The following ARHGAP9 variants were observed in gnomAD, a reference collection of about 807,000 sequenced individuals.
ARHGAP9 encodes the protein Rho GTPase activating protein 9, also known as rho GTPase-activating protein 9.
ARHGAP9 carries 76 observed loss-of-function variants against 87.3 expected under a neutral mutation model. The ratio of observed to expected loss-of-function variants is 0.87; its 90% confidence interval spans 0.72 to 1.05. ARHGAP9 has a LOEUF of 1.05. Ranked by LOEUF, ARHGAP9 falls within the 50% of genes least tolerant of loss-of-function variation. The pLI, the probability that ARHGAP9 is intolerant of heterozygous loss-of-function variation, is 0.00. For synonymous variants in ARHGAP9, 382 were observed against 394.9 expected (o/e 0.97, Z 0.39); for missense variants, 941 against 960.5 (o/e 0.98, Z 0.27).
chr12:57,473,640 G>T lies in ARHGAP9; in HGVS notation c.1987C>A (p.His663Asn). ...ELIGSMPKPN[H>N]DTLRYLLEHL... is the part of the protein sequence containing the mutation. ...TCCAGGAGGTACCGTAGAGTGTCAT[G>T]GTTGGGCTTTGGCATTGAGCCTATT... The change falls in exon 17 of 18, where the codon CAT becomes AAT. Residue 663 changes from histidine (H) to asparagine (N), a missense_variant. Physicochemically the swap from His to Asn is moderately conservative, Grantham distance 68 (BLOSUM62 1). Transcript: ENST00000393791. The T allele has an allele frequency of 6.2e-7, 1 of 1,613,952 alleles. No individual in the cohort carries two copies.
intron 1 of ARHGAP9, chr12:57,488,057 G>C (rs1161755273): frequency 1.9e-6 from 3 of 1,588,758 alleles, no homozygotes; most frequent in Non-Finnish European, 2.6e-6. Context: ...CGGGAGGCCG[G>C]TTCCGGTTGC....
At chr12:57,481,089 C>CT (rs567173559), upstream of ARHGAP9, among the ~76,000 whole-genome samples, 12 of 152,200 alleles carry the variant, frequency 7.9e-5, no homozygotes, top group African/African-American at 1.9e-4. Flanking sequence ...TGAATCCACC[C>CT]TTTTTTTGCC....
Position 57,474,114 on chromosome 12 carries a change from T to C in ARHGAP9, c.1846A>G (p.Lys616Glu). 1 of 1,614,164 alleles carries C rather than the reference T, an allele frequency of 6.2e-7. No individual in the cohort carries two copies. The highest frequency in any genetic ancestry group is 8.5e-7 in the Non-Finnish European group (1 of 1,180,016). Residue 616 changes from lysine to glutamate, a missense_variant, in exon 16 of 18, where the codon AAG becomes GAG. By Grantham distance (56) the Lys-to-Glu change is moderately conservative. Coordinates refer to ENST00000393791, the MANE Select transcript of ARHGAP9 (RefSeq NM_032496.4). ...DDIHVVTGAL[K>E]LFLRELPQPL... ...TGGGGCAGCTCCCGGAGAAAAAGCTTCAGGGCTCCGGTGACCACATGAATG... is the reference window on the plus strand; with the variant it reads ...TGGGGCAGCTCCCGGAGAAAAAGCTCCAGGGCTCCGGTGACCACATGAATG...
In ARHGAP9 at chr12:57,474,469, C is replaced by T. The variant is rs752779498; in HGVS notation, c.1737G>A (p.Ala579=). 5.0e-6 allele frequency: 8 copies of T among 1,613,980 alleles called. No homozygotes were observed. Among genetic ancestry groups the T allele is most frequent in the African/African-American group, 4.0e-5 (3 of 74,888 alleles). ...KLRFLVDRER[A]VTSDGRYVFP... ...ACACATACCTCCCATCGGAGGTGAC[C>T]GCACGCTCTGCAACATGAATGAGGA... Residue 579 remains alanine (A), a synonymous_variant, in exon 15 of 18, where the codon GCG becomes GCA. Coordinates refer to ENST00000393791, the MANE Select transcript of ARHGAP9 (RefSeq NM_032496.4).
chr12:57,475,773 T>C, intron 10 of ARHGAP9, 60 bp downstream of exon 10: 1 of 1,591,182 alleles, frequency 6.3e-7, no homozygotes, highest in Non-Finnish European at 8.6e-7. Context: ...CTATCGTTCC[T>C]ACCCCACTCC....
upstream of ARHGAP9, chr12:57,480,223 C>T: frequency 1.3e-6 from 1 of 743,232 alleles, no homozygotes; most frequent in Non-Finnish European, 1.6e-6. Flanking sequence ...TTCTTGTCCC[C>T]CAGGCTGGAG....
At chr12:57,477,105 A>G in intron 5 of ARHGAP9, 51 bp downstream of exon 5, 2 of 1,594,960 alleles carry the variant, frequency 1.3e-6, no homozygotes, top group Non-Finnish European at 1.7e-6. Flanking sequence ...ACAGAAAGTC[A>G]TAACAAGCTG....
rs1438697222 is a variant in ARHGAP9, at chr12:57,472,275, G to A, written c.*242C>T. On this transcript the variant is annotated 3_prime_UTR_variant, in exon 18 of 18. Transcript: ENST00000393791. ...GGAACTGCATCAGAAAAAATACCAT[G>A]CCACTTTATGTATTATTATGTTGGG... The A allele has an allele frequency of 3.3e-6, 2 of 604,752 alleles. No individual in the cohort carries two copies. The highest frequency in any genetic ancestry group is 5.6e-6 in the Non-Finnish European group (2 of 356,666). 37.5% of individuals were successfully genotyped at this position (604,752 alleles called of 1,614,324 possible). A position where few individuals can be genotyped will look rare whatever the true frequency, so the allele number is the denominator to read the frequency against.
chr12:57,478,893 C>G (rs905157525), intron 2 of ARHGAP9, 136 bp from the exon 3 acceptor site: 19 of 1,099,308 alleles, frequency 1.7e-5, no homozygotes, highest in Non-Finnish European at 2.5e-5. Context: ...GACCTAGAAG[C>G]CTTAGGACTA....
rs1735700567 is a variant in ARHGAP9 at position 57,475,288 on chromosome 12, C to T, written c.1552+3G>A. ...ATCCATGAACCTGGCCCAGCCCCCT[C>T]ACCTCGGAGCAGACCCCGCTCCTGC... is the stretch of plus-strand genomic sequence containing the variant. On this transcript the variant is annotated splice_donor_region_variant and intron_variant, in intron 12 of 17. Coordinates refer to ENST00000393791, the MANE Select transcript of ARHGAP9 (RefSeq NM_032496.4). The T allele has an allele frequency of 1.9e-6, 3 of 1,582,600 alleles. No homozygotes were observed. Among genetic ancestry groups the T allele is most frequent in the African/African-American group, 2.7e-5 (2 of 74,560 alleles).
intron 16 of ARHGAP9, 70 bp from the exon 17 acceptor site, chr12:57,473,778 A>C (rs1872640124): frequency 7.2e-7 from 1 of 1,397,806 alleles, no homozygotes; most frequent in Non-Finnish European, 1.0e-6. Context: ...GGGTAAATGC[A>C]CTGCTCTTTC....
At chr12:57,484,053 A>T (rs184901323), upstream of ARHGAP9, 1,999 of 270,640 alleles carry the variant, frequency 7.4e-3, 18 homozygotes, top group Middle Eastern at 0.017. Flanking sequence ...AAAAAAAAAA[A>T]AAAAAAAAAA....
intron 1 of ARHGAP9, among the ~76,000 whole-genome samples, chr12:57,485,874 T>C (rs1180279957): frequency 1.3e-5 from 2 of 152,152 alleles, no homozygotes. Context: ...TCTGGAAGGC[T>C]TCACTCACAA....
intron 4 of ARHGAP9, 36 bp downstream of exon 4, chr12:57,477,423 G>A: frequency 6.2e-7 from 1 of 1,605,574 alleles, no homozygotes. Context: ...GGAAGAGCTT[G>A]AGGGGACAGT....
At chr12:57,486,488 C>G (rs574210796) in intron 1 of ARHGAP9, among the ~76,000 whole-genome samples, 1 of 151,618 alleles carries the variant, frequency 6.6e-6, no homozygotes, top group Non-Finnish European at 1.5e-5. Context: ...CAGGCTGGTC[C>G]CAAACTCCTG....
chr12:57,488,470 C>T (rs1286839261), intron 1 of ARHGAP9: 1 of 1,224,210 alleles, frequency 8.2e-7, no homozygotes, highest in Non-Finnish European at 1.2e-6. Context: ...ACTGCTCTTC[C>T]CTTCCCAACC....
upstream of ARHGAP9, chr12:57,480,852 G>T (rs541908343): frequency 1.3e-6 from 2 of 1,549,680 alleles, no homozygotes; most frequent in Non-Finnish European, 1.7e-6. Context: ...GGTTTGGAGA[G>T]GTGGGTTAAG....
At chr12:57,474,848 G>T in intron 13 of ARHGAP9, 27 bp downstream of exon 13, 1 of 1,613,696 alleles carries the variant, frequency 6.2e-7, no homozygotes, top group African/African-American at 1.3e-5. Flanking sequence ...TGTTGGAAGA[G>T]GATTCTGGGG....
intron 2 of ARHGAP9, 89 bp downstream of exon 2, chr12:57,479,002 G>A: frequency 6.8e-7 from 1 of 1,472,922 alleles, no homozygotes; most frequent in Non-Finnish European, 9.3e-7. Context: ...TTGAGGGAGG[G>A]GGACCTCCCC....
Sources: gnomAD v4.1 joint callset for allele counts (sites outside exome capture counted in the v4.1 genomes callset) on GRCh38, gnomAD v4.1.1 for gene constraint, MANE v1.5 for transcripts, NCBI Gene and HGNC (gene_info 2026-07-23, HGNC 2026-07-21) for gene names.